HERC1: variants seen among roughly 807,000 people sequenced by gnomAD.
HERC1 encodes probable E3 ubiquitin-protein ligase HERC1.
A neutral mutation model predicts 554.3 loss-of-function variants in HERC1; 160 were observed. The ratio of observed to expected loss-of-function variants is 0.29; its 90% confidence interval spans 0.25 to 0.33. The LOEUF (loss-of-function observed/expected upper bound fraction) is 0.33, where lower values mean the gene tolerates loss of function less well. HERC1 is among the 10% of genes least tolerant of loss of function. The pLI, the probability that HERC1 is intolerant of heterozygous loss-of-function variation, is 1.00. For synonymous variants in HERC1, 2,175 were observed against 2,131.7 expected, an observed-to-expected ratio of 1.02 and a Z score of -0.56; for missense variants, 4,919 against 5,918.5, an observed-to-expected ratio of 0.83 and a Z score of 5.54.
In HERC1 at chr15:63,729,503, AAT is replaced by A; in HGVS notation, c.3013_3014del (p.Ile1005Ter). On this transcript the variant is annotated frameshift_variant, in exon 15 of 78. Coordinates refer to ENST00000443617, the MANE Select transcript of HERC1 (RefSeq NM_003922.4). LOFTEE classifies it high-confidence loss of function. ...AAGACAAATAATCGCATACCTCACT[AAT>A]GTTATTGATATGGCAAAATGCCAGC... ...QLLAFCHINN[I>X]SENSSSVALL... 1 of 1,613,440 alleles carries A rather than the reference AAT, an allele frequency of 6.2e-7. No homozygotes were observed. The highest frequency in any genetic ancestry group is 8.5e-7 in the Non-Finnish European group (1 of 1,179,466).
chr15:63,650,706 A>G (rs1490410794), intron 53 of HERC1, among the ~76,000 whole-genome samples: 1 of 152,214 alleles, frequency 6.6e-6, no homozygotes, highest in African/African-American at 2.4e-5. Context: ...CTGATAACCA[A>G]ATTGGCATAA....
Position 63,641,618 on chromosome 15 carries a change from G to T in HERC1, c.11459C>A (p.Ala3820Glu). Residue 3820 changes from alanine to glutamate, a missense_variant, in exon 60 of 78, where the codon GCA becomes GAA. Physicochemically the swap from Ala to Glu is moderately radical, Grantham distance 107. This residue lies in a region of HERC1 where 1,963 missense variants were observed against 2,228.6 expected (regional missense o/e 0.88). Coordinates refer to ENST00000443617, the MANE Select transcript of HERC1 (RefSeq NM_003922.4). ...AACATGATTGGCAGCTGCCCATTCT[G>T]CTGTACAATTCACGACCAAAACATC... is the stretch of plus-strand genomic sequence containing the variant. ...SKDVLVVNCT[A>E]EWAAANHVLA... The T allele has an allele frequency of 6.4e-7, 1 of 1,568,948 alleles. No homozygotes were observed. The highest frequency in any genetic ancestry group is 8.7e-7 in the Non-Finnish European group (1 of 1,155,044).
intron 24 of HERC1, among the ~76,000 whole-genome samples, chr15:63,709,966 T>C (rs1052050333): frequency 2.6e-5 from 4 of 152,318 alleles, no homozygotes; most frequent in African/African-American, 9.6e-5. Flanking sequence ...AAAGACAGGA[T>C]ATCAGCAAGG....
rs754663051 is a variant in HERC1 at position 63,655,922 on chromosome 15, T to C, written c.9904A>G (p.Thr3302Ala). 2.5e-6 allele frequency: 4 copies of C among 1,613,084 alleles called. No homozygotes were observed. The highest frequency in any genetic ancestry group is 1.7e-5 in the Admixed American group (1 of 59,916). Reference sequence around the variant, plus strand: ...CGCTGAATTGAGTCATCAACTGTGGTTAGATTTACACCTGTTGCAGCAGAA... The same window carrying C: ...CGCTGAATTGAGTCATCAACTGTGGCTAGATTTACACCTGTTGCAGCAGAA... Reference protein sequence around the residue: ...LISAATGVNLTTVDDSIQRKF... With the variant: ...LISAATGVNLATVDDSIQRKF... Residue 3302 changes from threonine to alanine, a missense_variant, in exon 50 of 78, where the codon ACC becomes GCC. By Grantham distance (58) the Thr-to-Ala change is moderately conservative (BLOSUM62 0). Around this residue, in one of 11 missense-constraint regions of HERC1, gnomAD observed 1,963 missense variants for 2,228.6 expected, o/e 0.88. Coordinates refer to ENST00000443617, the MANE Select transcript of HERC1 (RefSeq NM_003922.4).
chr15:63,624,163 T>C lies in HERC1; in HGVS notation c.13440A>G (p.Ser4480=). 1 of 1,610,020 alleles carries C rather than the reference T, an allele frequency of 6.2e-7. No homozygotes were observed. Among genetic ancestry groups the C allele is most frequent in the Non-Finnish European group, 8.5e-7 (1 of 1,178,010 alleles). ...ACACACATACATATGCTAACCTGGT[T>C]GATATCCTCTTTACAGTTATCTGAG... ...YGPQITVKRI[S]TRGRKCKPIF... is the part of the protein sequence containing the mutation. The change falls in exon 72 of 78, where the codon TCA becomes TCG. Residue 4480 remains serine (S), a synonymous_variant. Transcript: ENST00000443617.
chr15:63,745,066 A>G (rs1256554011), intron 12 of HERC1, among the ~76,000 whole-genome samples: 2 of 152,186 alleles, frequency 1.3e-5, no homozygotes, highest in Non-Finnish European at 2.9e-5. Flanking sequence ...GGCATCTGGA[A>G]CAGGGAGACT....
chr15:63,694,964 A>T lies in HERC1; in HGVS notation c.5122-70T>A. ...TACCTGCTTGCAAAAAGAAGTAATAACATTTTATTTCTAGTCTATGCTAGA... is the reference window on the plus strand; with the variant it reads ...TACCTGCTTGCAAAAAGAAGTAATATCATTTTATTTCTAGTCTATGCTAGA... On this transcript the variant is annotated intron_variant, in intron 27 of 77. Coordinates refer to ENST00000443617, the MANE Select transcript of HERC1 (RefSeq NM_003922.4). The surrounding 1 kb of genome is among the most constrained non-coding windows in gnomAD (Gnocchi z 4.3). 1 of 1,411,692 alleles carries T rather than the reference A, an allele frequency of 7.1e-7. No individual in the cohort carries two copies. Among genetic ancestry groups the T allele is most frequent in the Admixed American group, 2.2e-5 (1 of 44,784 alleles). The allele number at this position is 1,411,692 out of a possible 1,614,324, so 87.4% of individuals were successfully genotyped here. A position where few individuals can be genotyped will look rare whatever the true frequency, so the allele number is the denominator to read the frequency against.
chr15:63,690,174 A>C (rs1321738370), intron 32 of HERC1, among the ~76,000 whole-genome samples: 1 of 151,680 alleles, frequency 6.6e-6, no homozygotes, highest in Non-Finnish European at 1.5e-5. Flanking sequence ...CTCAAAAAAA[A>C]AAAAAAAAAA....
intron 54 of HERC1, among the ~76,000 whole-genome samples, chr15:63,649,136 C>T (rs1331069465): frequency 6.6e-6 from 1 of 152,132 alleles, no homozygotes; most frequent in South Asian, 2.1e-4. Flanking sequence ...GGGCGGATCA[C>T]AAGGTGAGGA....
At position 63,796,865 on chromosome 15, in the gene HERC1, G is replaced by A. The variant is rs567004566; in HGVS notation, c.-26-21216C>T. Among the ~76,000 whole-genome samples the A allele has an allele frequency of 2.0e-5, 3 of 152,284 alleles. No homozygotes were observed. In the East Asian group the frequency reaches 5.8e-4, roughly 29 times the overall value. ...TTTTATCATGCAGATGAGGCCTCCAGGTAACAGGCTTCAGAGAACAGATTG... is the reference window on the plus strand; with the variant it reads ...TTTTATCATGCAGATGAGGCCTCCAAGTAACAGGCTTCAGAGAACAGATTG... On this transcript the variant is annotated intron_variant, in intron 1 of 77. Transcript: ENST00000443617.
intron 1 of HERC1, among the ~76,000 whole-genome samples, chr15:63,803,099 G>A (rs1210957002): frequency 6.6e-6 from 1 of 152,134 alleles, no homozygotes; most frequent in African/African-American, 2.4e-5. Flanking sequence ...CAGCAACTTG[G>A]GAGGCTGAGA....
intron 67 of HERC1, 139 bp from the exon 68 acceptor site, chr15:63,632,950 T>G (rs2068626663): frequency 1.6e-6 from 1 of 629,790 alleles, no homozygotes; most frequent in African/African-American, 1.8e-5. Flanking sequence ...AATCCAAACC[T>G]GAAATGTTAT....
chr15:63,668,623 CA>C (rs2070755757), intron 40 of HERC1, among the ~76,000 whole-genome samples: 1 of 152,038 alleles, frequency 6.6e-6, no homozygotes, highest in Non-Finnish European at 1.5e-5. Context: ...TTTTAAAAAG[CA>C]GGAGTGGCTA....
At position 63,819,748 on chromosome 15, in the gene HERC1, A is replaced by G. The variant is rs148594083; in HGVS notation, c.-27+14079T>C. ...TGACAATACTTGGATGGGGTTTTCT[A>G]TCAGCCAAAACTATGTCATTGAGGC... On this transcript the variant is annotated intron_variant, in intron 1 of 77. Transcript: ENST00000443617. Among the ~76,000 whole-genome samples the G allele has an allele frequency of 3.6e-4, 55 of 152,280 alleles. No homozygotes were observed. The East Asian group carries it at 0.01, about 28-fold the overall frequency.
intron 55 of HERC1, 138 bp downstream of exon 55, chr15:63,647,931 G>C: frequency 1.4e-6 from 1 of 694,874 alleles, no homozygotes. Context: ...GATTATGAGA[G>C]ATTACTTGAT....
At position 63,694,025 on chromosome 15, in the gene HERC1, G is replaced by C. The variant is rs114159254; in HGVS notation, c.5613C>G (p.Asp1871Glu). ...MASFGEGEQE[D>E]GEEEEKKVDS... ...CAACTTTTTTTTCTTCTTCTTCACC[G>C]TCTTCTTGCTCCCCTTCTCCGAAAG... The change falls in exon 30 of 78, where the codon GAC becomes GAG. Residue 1871 changes from aspartate to glutamate, a missense_variant. Asp to Glu is a conservative substitution (Grantham distance 45). Transcript: ENST00000443617. This position sits in a 1 kb window ranked among gnomAD's most constrained non-coding sequence, Gnocchi z 4.3. The C allele has an allele frequency of 1.9e-6, 3 of 1,587,144 alleles. No homozygotes were observed. The highest frequency in any genetic ancestry group is 2.6e-6 in the Non-Finnish European group (3 of 1,165,518).
Position 63,654,339 on chromosome 15 carries a change from T to C in HERC1, c.10085-15A>G. ...CTCCAGAGGGCCTACAGCAGAAGGA[T>C]CATAGGAAGGATGGGCATACAATTG... On this transcript the variant is annotated splice_polypyrimidine_tract_variant and intron_variant, in intron 50 of 77. Coordinates refer to ENST00000443617, the MANE Select transcript of HERC1 (RefSeq NM_003922.4). 1 of 1,600,702 alleles carries C rather than the reference T, an allele frequency of 6.2e-7. No homozygotes were observed. Among genetic ancestry groups the C allele is most frequent in the East Asian group, 2.2e-5 (1 of 44,640 alleles).
chr15:63,731,935 C>T (rs995079916), intron 14 of HERC1, among the ~76,000 whole-genome samples: 1 of 152,094 alleles, frequency 6.6e-6, no homozygotes, highest in African/African-American at 2.4e-5. Flanking sequence ...ATGTACAATT[C>T]TGGAAAAGGA....
chr15:63,747,816 T>C lies in HERC1; in HGVS notation c.2262A>G (p.Glu754=). ...AWHRPYCVDL[E]ESTFSHLRSF... is the part of the protein sequence containing the mutation. The stretch of plus-strand genomic sequence containing the variant: ...AACGCAGGTGTGAGAAGGTACTCTC[T>C]TCAAGATCTACACAATAAGGTCGGT... The change falls in exon 11 of 78, where the codon GAA becomes GAG. Residue 754 remains glutamate, a synonymous_variant. Transcript: ENST00000443617. 6.9e-7 allele frequency: 1 copy of C among 1,441,912 alleles called. No homozygotes were observed. The allele number at this position is 1,441,912 out of a possible 1,614,324, so 89.3% of individuals were successfully genotyped here. A position where few individuals can be genotyped will look rare whatever the true frequency, so the allele number is the denominator to read the frequency against.
Sources: gnomAD v4.1 joint callset for allele counts (sites outside exome capture counted in the v4.1 genomes callset) on GRCh38, gnomAD v4.1.1 for gene constraint, gnomAD v4.1.1 regional missense constraint, Gnocchi (gnomAD v3.1) non-coding constraint, MANE v1.5 for transcripts, NCBI Gene and HGNC (gene_info 2026-07-23, HGNC 2026-07-21) for gene names.